SORCS3: variants seen among roughly 807,000 people sequenced by gnomAD.
SORCS3 encodes sortilin related VPS10 domain containing receptor 3.
In SORCS3, 57 loss-of-function variants were observed where a neutral mutation model predicts 146.3. That is an observed-to-expected ratio of 0.39 (90% CI 0.31 to 0.49). SORCS3 has a LOEUF of 0.49. SORCS3 is among the 20% of genes least tolerant of loss of function. The pLI is 0.92. For synonymous variants in SORCS3, 653 were observed against 618.5 expected, an observed-to-expected ratio of 1.06 and a Z score of -0.83; for missense variants, 1,341 against 1,575.5, an observed-to-expected ratio of 0.85 and a Z score of 2.52.
At chr10:104,781,700 T>G (rs1318032358) in intron 1 of SORCS3, among the ~76,000 whole-genome samples, 1 of 152,272 alleles carries the variant, frequency 6.6e-6, no homozygotes, top group African/African-American at 2.4e-5. Context: ...CCTTGCTAAT[T>G]ACCAGATAAC....
chr10:104,957,554 A>AACACACAC (rs10660859), intron 3 of SORCS3, among the ~76,000 whole-genome samples: 8,103 of 148,404 alleles, frequency 0.055, 212 homozygotes, highest in African/African-American at 0.079. Flanking sequence ...AAGGAAAGAA[A>AACACACAC]ACACACACAC....
intron 1 of SORCS3, among the ~76,000 whole-genome samples, chr10:104,823,440 C>T (rs1407814986): frequency 6.6e-6 from 1 of 152,078 alleles, no homozygotes; most frequent in Non-Finnish European, 1.5e-5. Context: ...TTAGCGACAA[C>T]TTTTTCATAA....
At chr10:105,106,492 T>C (rs1821682083) in intron 7 of SORCS3, among the ~76,000 whole-genome samples, 1 of 152,188 alleles carries the variant, frequency 6.6e-6, no homozygotes, top group Non-Finnish European at 1.5e-5. Context: ...TTGTCTTCTC[T>C]CCAAATTGCA....
At chr10:105,173,500 A>T (rs2056376614) in intron 13 of SORCS3, among the ~76,000 whole-genome samples, 1 of 152,066 alleles carries the variant, frequency 6.6e-6, no homozygotes, top group African/African-American at 2.4e-5. Context: ...AAAATAACCT[A>T]AATATTTCCA....
intron 5 of SORCS3, among the ~76,000 whole-genome samples, chr10:105,044,363 A>C (rs1221442041): frequency 6.6e-6 from 1 of 152,036 alleles, no homozygotes. Flanking sequence ...CATAGAGATT[A>C]GGCCACCGTA....
intron 1 of SORCS3, among the ~76,000 whole-genome samples, chr10:104,786,643 C>A (rs896939375): frequency 1.3e-4 from 20 of 151,408 alleles, no homozygotes; most frequent in Admixed American, 1.2e-3. Context: ...ATCCTGAAGG[C>A]AGAAGCTGAG....
chr10:105,069,551 T>C (rs182795448), intron 5 of SORCS3, among the ~76,000 whole-genome samples: 214 of 152,338 alleles, frequency 1.4e-3, no homozygotes, highest in Middle Eastern at 6.8e-3. Flanking sequence ...CAGCTCTTCC[T>C]GAGTTTAGAT....
At chr10:105,058,200 G>C (rs1251566467) in intron 5 of SORCS3, among the ~76,000 whole-genome samples, 1 of 152,172 alleles carries the variant, frequency 6.6e-6, no homozygotes, top group African/African-American at 2.4e-5. Flanking sequence ...CTGAAGCATT[G>C]AAAAGGTCAG....
chr10:105,183,370 T>C (rs959751321), intron 14 of SORCS3, among the ~76,000 whole-genome samples: 4 of 152,284 alleles, frequency 2.6e-5, no homozygotes, highest in Middle Eastern at 3.4e-3. Flanking sequence ...GAGGTTTTTT[T>C]TTCTTTTTTT....
At chr10:105,116,845 G>A (rs1242700803) in intron 7 of SORCS3, among the ~76,000 whole-genome samples, 1 of 152,028 alleles carries the variant, frequency 6.6e-6, no homozygotes, top group Non-Finnish European at 1.5e-5. Flanking sequence ...GAGTACATAT[G>A]GACACAAAGA....
intron 3 of SORCS3, among the ~76,000 whole-genome samples, chr10:104,974,882 G>T (rs1408583208): frequency 1.3e-5 from 2 of 152,074 alleles, no homozygotes; most frequent in Admixed American, 1.3e-4. Flanking sequence ...CTCTTTTAGG[G>T]CAGTCCTGGT....
chr10:104,809,670 G>A (rs137871696), intron 1 of SORCS3, among the ~76,000 whole-genome samples: 127 of 152,330 alleles, frequency 8.3e-4, no homozygotes, highest in African/African-American at 2.5e-3. Flanking sequence ...TGTTCTCCAA[G>A]CGGGACTGCT....
At chr10:104,853,689 C>G (rs149843615) in intron 2 of SORCS3, among the ~76,000 whole-genome samples, 11 of 152,280 alleles carry the variant, frequency 7.2e-5, no homozygotes, top group Middle Eastern at 3.4e-3. Context: ...CCAGCTGGCC[C>G]TGTTGTTCGT....
At chr10:104,789,478 C>T (rs915564970) in intron 1 of SORCS3, among the ~76,000 whole-genome samples, 15 of 152,182 alleles carry the variant, frequency 9.9e-5, no homozygotes, top group African/African-American at 3.1e-4. Context: ...TTATTCATCT[C>T]TCCACTCAGG....
At chr10:104,867,603 C>G (rs1313007224) in intron 2 of SORCS3, among the ~76,000 whole-genome samples, 3 of 152,114 alleles carry the variant, frequency 2.0e-5, no homozygotes, top group Non-Finnish European at 2.9e-5. Flanking sequence ...GCCACTGCAC[C>G]TGGCCCAGTG....
At chr10:104,909,110 C>T (rs932520766) in intron 2 of SORCS3, among the ~76,000 whole-genome samples, 1 of 152,116 alleles carries the variant, frequency 6.6e-6, no homozygotes, top group Non-Finnish European at 1.5e-5. Flanking sequence ...AAATCATACC[C>T]CTCCTGCTTT....
At chr10:104,983,741 T>C (rs2133656441) in intron 4 of SORCS3, among the ~76,000 whole-genome samples, 1 of 151,974 alleles carries the variant, frequency 6.6e-6, no homozygotes, top group East Asian at 2.0e-4. Context: ...ACTCAGGAAT[T>C]CTTCTGCTTG....
intron 2 of SORCS3, among the ~76,000 whole-genome samples, chr10:104,890,017 C>T (rs977983049): frequency 6.6e-6 from 1 of 152,080 alleles, no homozygotes; most frequent in Non-Finnish European, 1.5e-5. Context: ...TTATCATTTA[C>T]ATTGTTTCTA....
chr10:105,190,333 A>G (rs556197848), intron 14 of SORCS3, among the ~76,000 whole-genome samples: 1 of 152,338 alleles, frequency 6.6e-6, no homozygotes, highest in Admixed American at 6.5e-5. Flanking sequence ...AACGAATAAA[A>G]TGAGATGATC....
Sources: allele counts gnomAD v4.1 joint callset (sites outside exome capture counted in the v4.1 genomes callset), GRCh38; gene constraint gnomAD v4.1.1; transcripts MANE v1.5; gene names NCBI Gene and HGNC (gene_info 2026-07-23, HGNC 2026-07-21).